Variants in SH3RF1 observed in about 807,000 individuals in gnomAD.
SH3RF1 encodes the protein E3 ubiquitin-protein ligase SH3RF1.
Under a neutral mutation model 74.0 loss-of-function variants are expected in SH3RF1, and 32 were observed. The observed-to-expected ratio is 0.43, with a 90% CI of 0.33 to 0.58. SH3RF1 has a LOEUF of 0.58. SH3RF1 is among the 20% of genes least tolerant of loss of function. SH3RF1 has a pLI of 0.05. For missense variants in SH3RF1, 954 were observed against 1,130.9 expected (o/e 0.84, Z 2.24); for synonymous variants, 396 against 439.6 (o/e 0.90, Z 1.24).
intron 2 of SH3RF1, among the ~76,000 whole-genome samples, chr4:169,212,606 T>C (rs562170438): frequency 4.6e-5 from 7 of 152,144 alleles, no homozygotes; most frequent in Non-Finnish European, 7.4e-5. Flanking sequence ...AGAGTTCCCA[T>C]ATACTCCTAA....
At chr4:169,244,089 G>A (rs889904172) in intron 2 of SH3RF1, among the ~76,000 whole-genome samples, 2 of 152,136 alleles carry the variant, frequency 1.3e-5, no homozygotes, top group Non-Finnish European at 2.9e-5. Flanking sequence ...ATTATGCTCT[G>A]GCCATCCCTT....
chr4:169,182,500 G>A (rs766439634), intron 2 of SH3RF1, among the ~76,000 whole-genome samples: 1 of 152,220 alleles, frequency 6.6e-6, no homozygotes. Flanking sequence ...TGAAGGTTTT[G>A]AGGGTATAGA....
At position 169,159,365 on chromosome 4, in the gene SH3RF1, C is replaced by T. The variant is rs528411283; in HGVS notation, c.394-2686G>A. The stretch of plus-strand genomic sequence containing the variant: ...GGTTTGAGGAAATAATAGTAAAACA[C>T]AGCAATCGACAGAGAGAGAGAGATA... On this transcript the variant is annotated intron_variant, in intron 2 of 11. Coordinates refer to ENST00000284637, the MANE Select transcript of SH3RF1 (RefSeq NM_020870.4). Among the ~76,000 whole-genome samples the T allele has an allele frequency of 5.3e-5, 8 of 152,292 alleles. No individual in the cohort carries two copies. The East Asian group carries it at 1.3e-3, about 26-fold the overall frequency.
intron 8 of SH3RF1, among the ~76,000 whole-genome samples, chr4:169,118,109 A>AC (rs748055724): frequency 2.6e-5 from 4 of 152,146 alleles, no homozygotes; most frequent in Non-Finnish European, 5.9e-5. Context: ...CATCTACAGA[A>AC]CAAGCTAGGA....
intron 2 of SH3RF1, among the ~76,000 whole-genome samples, chr4:169,250,298 T>C (rs374151855): frequency 7.9e-5 from 12 of 151,842 alleles, no homozygotes; most frequent in African/African-American, 2.7e-4. Flanking sequence ...TTTGGAATCA[T>C]ACTGCTCATC....
rs968809501 is a variant in SH3RF1 at position 169,095,158 on chromosome 4, C to T, written c.*1361G>A. On this transcript the variant is annotated 3_prime_UTR_variant, in exon 12 of 12. Transcript: ENST00000284637. ...TGTGGGCAAATTCACTCCCACCAAGCCTTCCAGAGCTCCACAGTCACAGGA... is the reference window on the plus strand; with the variant it reads ...TGTGGGCAAATTCACTCCCACCAAGTCTTCCAGAGCTCCACAGTCACAGGA... 6.6e-6 allele frequency: 1 copy of T among 152,602 alleles called. No homozygotes were observed. Among genetic ancestry groups the T allele is most frequent in the Non-Finnish European group, 1.5e-5 (1 of 68,044 alleles). 9.5% of individuals were successfully genotyped at this position (152,602 alleles called of 1,614,324 possible).
chr4:169,246,177 T>C (rs1730992456), intron 2 of SH3RF1, among the ~76,000 whole-genome samples: 1 of 152,176 alleles, frequency 6.6e-6, no homozygotes, highest in Admixed American at 6.5e-5. Flanking sequence ...CTTCGTCAAG[T>C]TTTACTTTGA....
At chr4:169,129,714 T>C (rs1733580993) in intron 6 of SH3RF1, among the ~76,000 whole-genome samples, 1 of 152,214 alleles carries the variant, frequency 6.6e-6, no homozygotes, top group Non-Finnish European at 1.5e-5. Flanking sequence ...CATAAATGTG[T>C]CCTTATAAGA....
At chr4:169,117,446 A>G in intron 9 of SH3RF1, 77 bp downstream of exon 9, 1 of 1,561,890 alleles carries the variant, frequency 6.4e-7, no homozygotes, top group Non-Finnish European at 8.7e-7. Flanking sequence ...ACATTTCTCA[A>G]CATCTGTCAT....
At chr4:169,265,974 T>C (rs1284071890) in intron 2 of SH3RF1, among the ~76,000 whole-genome samples, 1 of 152,178 alleles carries the variant, frequency 6.6e-6, no homozygotes, top group Non-Finnish European at 1.5e-5. Flanking sequence ...CAGCTACATT[T>C]CTTAGGCCAT....
intron 2 of SH3RF1, among the ~76,000 whole-genome samples, chr4:169,240,039 T>C (rs1025221463): frequency 6.6e-6 from 1 of 151,896 alleles, no homozygotes; most frequent in African/African-American, 2.4e-5. Context: ...ACAAAAGTAA[T>C]TCACATCTAC....
intron 10 of SH3RF1, among the ~76,000 whole-genome samples, chr4:169,113,765 G>A (rs955002484): frequency 6.6e-6 from 1 of 152,114 alleles, no homozygotes; most frequent in Admixed American, 6.5e-5. Context: ...TCTCTTTAGT[G>A]GACTTGGAAC....
chr4:169,106,764 A>T, intron 11 of SH3RF1, 83 bp downstream of exon 11: 1 of 1,160,938 alleles, frequency 8.6e-7, no homozygotes, highest in Non-Finnish European at 1.2e-6. Flanking sequence ...ATGTGGCAAA[A>T]CATCTTAAAT....
chr4:169,258,416 C>T (rs988662172), intron 2 of SH3RF1, among the ~76,000 whole-genome samples: 3 of 152,198 alleles, frequency 2.0e-5, no homozygotes, highest in Admixed American at 2.0e-4. Context: ...AGTGTTAACA[C>T]TTCCAGTGTC....
chr4:169,213,847 G>T (rs1345681902), intron 2 of SH3RF1, among the ~76,000 whole-genome samples: 1 of 152,012 alleles, frequency 6.6e-6, no homozygotes, highest in Non-Finnish European at 1.5e-5. Context: ...TCTATTTCTG[G>T]GCTCTCTAAT....
At position 169,155,575 on chromosome 4, in the gene SH3RF1, C is replaced by T. The variant is rs766034339; in HGVS notation, c.670G>A (p.Asp224Asn). ...ADKDCLPFAK[D>N]DVLTVIRRVD... ...CTTCGGATCACAGTCAGAACATCAT[C>T]CTGAAGAAACAGCAAATCATTAATC... The change falls in exon 4 of 12, where the codon GAT becomes AAT. Residue 224 changes from aspartate (D) to asparagine (N), a missense_variant and splice_region_variant. Physicochemically the swap from Asp to Asn is conservative, Grantham distance 23. Transcript: ENST00000284637. 74 of 1,607,192 alleles carry T rather than the reference C, an allele frequency of 4.6e-5. No homozygotes were observed. Among genetic ancestry groups the T allele is most frequent in the Non-Finnish European group, 6.0e-5 (71 of 1,173,906 alleles).
intron 2 of SH3RF1, among the ~76,000 whole-genome samples, chr4:169,263,528 C>T (rs148486491): frequency 1.1e-3 from 163 of 152,318 alleles, no homozygotes; most frequent in African/African-American, 2.7e-3. Context: ...CAGTTGCTTT[C>T]CACACCAAAC....
chr4:169,162,758 G>A (rs1048673984), intron 2 of SH3RF1, among the ~76,000 whole-genome samples: 1 of 152,082 alleles, frequency 6.6e-6, no homozygotes, highest in Non-Finnish European at 1.5e-5. Flanking sequence ...GCTTTCTCCA[G>A]AAGTAGACTC....
intron 10 of SH3RF1, 68 bp from the exon 11 acceptor site, chr4:169,107,273 C>G: frequency 7.3e-7 from 1 of 1,368,874 alleles, no homozygotes; most frequent in East Asian, 2.4e-5. Flanking sequence ...ATCTAAAGGG[C>G]CCTATAGTTC....
Sources: gnomAD v4.1 joint callset for allele counts (sites outside exome capture counted in the v4.1 genomes callset) on GRCh38, gnomAD v4.1.1 for gene constraint, MANE v1.5 for transcripts, NCBI Gene and HGNC (gene_info 2026-07-23, HGNC 2026-07-21) for gene names.